The following ZC4H2 variants were observed in gnomAD, a reference collection of about 807,000 sequenced individuals.
ZC4H2 encodes the protein zinc finger C4H2-type containing.
For missense variants in ZC4H2, 137 were observed against 173.9 expected, an observed-to-expected ratio of 0.79 and a Z score of 1.19; for synonymous variants, 84 against 66.3, an observed-to-expected ratio of 1.27 and a Z score of -1.30.
intron 1 of ZC4H2, among the ~76,000 whole-genome samples, chrX:64,952,977 T>C (rs754232673): frequency 1.1e-3 from 118 of 111,459 alleles, no homozygotes; most frequent in Middle Eastern, 4.7e-3. Context: ...AACAGAGATA[T>C]AGACCAATGG....
chrX:64,916,039 GAGA>G lies in ZC4H2; in HGVS notation c.*1741_*1743del, dbSNP rs1209792065. The G allele has an allele frequency of 8.9e-6, 1 of 111,983 alleles. No individual in the cohort carries two copies. Among genetic ancestry groups the G allele is most frequent in the Non-Finnish European group, 1.9e-5 (1 of 53,229 alleles). The allele number at this position is 111,983 out of a possible 1,213,427, so 9.2% of individuals were successfully genotyped here. A position where few individuals can be genotyped will look rare whatever the true frequency, so the allele number is the denominator to read the frequency against. ...AAAGGTTTTCTTAAAAATGATCATG[GAGA>G]AGAAGTAGAAAAAAATGAGCTCTGG... On this transcript the variant is annotated 3_prime_UTR_variant, in exon 5 of 5. Transcript: ENST00000374839.
rs180686471 is a variant in ZC4H2 at position 64,945,841 on chromosome X, C to T, written c.54-23853G>A. Among the ~76,000 whole-genome samples the T allele has an allele frequency of 2.4e-3, 264 of 111,052 alleles. 2 individuals are homozygous for T. The highest frequency in any genetic ancestry group is 7.1e-3 in the African/African-American group (217 of 30,544). On this transcript the variant is annotated intron_variant, in intron 1 of 4. Transcript: ENST00000374839. The stretch of plus-strand genomic sequence containing the variant: ...TGCTTTGCTGTGCTATGATGGTTTC[C>T]GCTAAGTCAGAACTTCCTGGTGGCT...
chrX:65,000,199 C>G (rs969927754), intron 1 of ZC4H2, among the ~76,000 whole-genome samples: 5 of 111,758 alleles, frequency 4.5e-5, no homozygotes, highest in African/African-American at 1.6e-4. Context: ...AGAGCTCCGG[C>G]TGGCATCTGG....
intron 1 of ZC4H2, among the ~76,000 whole-genome samples, chrX:64,967,921 A>T (rs1285843410): frequency 8.9e-6 from 1 of 111,972 alleles, no homozygotes; most frequent in Non-Finnish European, 1.9e-5. Flanking sequence ...AGCGGGGCTC[A>T]ATCATTACAT....
At chrX:65,030,710 A>T (rs1932925563) in intron 1 of ZC4H2, among the ~76,000 whole-genome samples, 1 of 110,859 alleles carries the variant, frequency 9.0e-6, no homozygotes, top group Admixed American at 9.6e-5. Flanking sequence ...CTTCTTCTCA[A>T]CTAAGCTTGG....
intron 1 of ZC4H2, among the ~76,000 whole-genome samples, chrX:64,998,359 T>A (rs189761091): frequency 1.1e-3 from 124 of 111,853 alleles, no homozygotes; most frequent in African/African-American, 3.8e-3. Context: ...AGAGAGCTGG[T>A]GTGGCTATAC....
At chrX:64,998,486 T>C (rs370382106) in intron 1 of ZC4H2, among the ~76,000 whole-genome samples, 15 of 112,207 alleles carry the variant, frequency 1.3e-4, no homozygotes, top group Middle Eastern at 9.3e-3. Flanking sequence ...CACCAAACAA[T>C]AGAACCTCAA....
intron 1 of ZC4H2, among the ~76,000 whole-genome samples, chrX:64,995,127 A>G (rs990758377): frequency 1.8e-5 from 2 of 108,302 alleles, no homozygotes; most frequent in African/African-American, 6.7e-5. Flanking sequence ...AAAAAAAAAA[A>G]GGATTTTCTA....
chrX:65,033,367 T>G (rs1172004455), intron 1 of ZC4H2, among the ~76,000 whole-genome samples: 1 of 112,070 alleles, frequency 8.9e-6, no homozygotes, highest in Non-Finnish European at 1.9e-5. Flanking sequence ...AAGTGTAGTT[T>G]TAGAAGAATC....
At chrX:64,995,300 A>T (rs1312114522) in intron 1 of ZC4H2, among the ~76,000 whole-genome samples, 3 of 111,302 alleles carry the variant, frequency 2.7e-5, no homozygotes, top group Non-Finnish European at 5.7e-5. Context: ...GCAACTTTAA[A>T]ATGGTAGGAT....
chrX:64,942,671 T>C (rs1452670838), intron 1 of ZC4H2, among the ~76,000 whole-genome samples: 1 of 111,684 alleles, frequency 9.0e-6, no homozygotes, highest in Non-Finnish European at 1.9e-5. Flanking sequence ...TCCTTCTTTT[T>C]TCTGGTTGCA....
chrX:65,018,744 G>T (rs2147290332), intron 1 of ZC4H2, among the ~76,000 whole-genome samples: 1 of 110,897 alleles, frequency 9.0e-6, no homozygotes, highest in East Asian at 2.9e-4. Context: ...TGGCTCGGGA[G>T]GTCCCATCCC....
intron 1 of ZC4H2, among the ~76,000 whole-genome samples, chrX:64,972,241 G>C (rs1045569862): frequency 9.0e-6 from 1 of 111,554 alleles, no homozygotes; most frequent in Non-Finnish European, 1.9e-5. Context: ...AGGGGTAGGC[G>C]TGTGTTCAGA....
At chrX:65,010,652 C>G (rs769392137) in intron 1 of ZC4H2, among the ~76,000 whole-genome samples, 1 of 111,740 alleles carries the variant, frequency 8.9e-6, no homozygotes, top group Non-Finnish European at 1.9e-5. Context: ...GGAGCTCAGA[C>G]GAGCTTTATC....
chrX:65,033,016 A>G (rs1304154669), intron 1 of ZC4H2, among the ~76,000 whole-genome samples: 4 of 111,655 alleles, frequency 3.6e-5, no homozygotes, highest in Admixed American at 1.9e-4. Flanking sequence ...ACGTCAGGTG[A>G]TCTGCCCACC....
intron 1 of ZC4H2, among the ~76,000 whole-genome samples, chrX:64,974,125 A>T (rs1001208525): frequency 1.8e-5 from 2 of 112,008 alleles, no homozygotes; most frequent in Admixed American, 9.4e-5. Context: ...ATAGTGCCAC[A>T]GTGATTTCTA....
chrX:65,002,023 G>A (rs1412028213), intron 1 of ZC4H2, among the ~76,000 whole-genome samples: 1 of 111,052 alleles, frequency 9.0e-6, no homozygotes, highest in Non-Finnish European at 1.9e-5. Context: ...GTCAATATTA[G>A]ACAGAGCAAA....
chrX:65,013,313 T>C, intron 1 of ZC4H2, among the ~76,000 whole-genome samples: 1 of 111,528 alleles, frequency 9.0e-6, no homozygotes, highest in African/African-American at 3.3e-5. Flanking sequence ...GGTAAATTTC[T>C]AAAGTGGCTC....
chrX:64,949,831 T>A (rs1930708835), intron 1 of ZC4H2, among the ~76,000 whole-genome samples: 1 of 111,721 alleles, frequency 9.0e-6, no homozygotes, highest in Admixed American at 9.5e-5. Context: ...GAAGGGTTTT[T>A]TGTGTCTCTA....
Sources: gnomAD v4.1 joint callset for allele counts (sites outside exome capture counted in the v4.1 genomes callset) on GRCh38, gnomAD v4.1.1 for gene constraint, MANE v1.5 for transcripts, NCBI Gene and HGNC (gene_info 2026-07-23, HGNC 2026-07-21) for gene names.